FOCAD: variants seen among roughly 807,000 people sequenced by gnomAD.
The protein encoded by FOCAD is KIAA1797.
FOCAD carries 198 observed loss-of-function variants against 225.6 expected under a neutral mutation model. The observed-to-expected ratio is 0.88, with a 90% CI of 0.78 to 0.99. FOCAD has a LOEUF of 0.99. Among genes scored for constraint, FOCAD ranks in the 50% least tolerant of loss-of-function variants. The probability of loss-of-function intolerance (pLI) is 0.00; values close to 1 mark genes in which losing one functional copy is unlikely to be tolerated. For synonymous variants in FOCAD, 897 were observed against 755.0 expected (o/e 1.19, Z -3.08); for missense variants, 2,713 against 2,123.6 (o/e 1.28, Z -5.46).
At chr9:20,802,328 G>C (rs1587229946) in intron 11 of FOCAD, among the ~76,000 whole-genome samples, 1 of 151,948 alleles carries the variant, frequency 6.6e-6, no homozygotes, top group East Asian at 1.9e-4. Context: ...TATTATATTG[G>C]AGAATCAAAT....
chr9:20,937,417 T>C (rs1281446482), intron 28 of FOCAD, among the ~76,000 whole-genome samples: 1 of 152,104 alleles, frequency 6.6e-6, no homozygotes, highest in African/African-American at 2.4e-5. Context: ...CTCTCAGAAA[T>C]AATGCCACAT....
At chr9:20,941,459 T>C in intron 28 of FOCAD, among the ~76,000 whole-genome samples, 1 of 152,224 alleles carries the variant, frequency 6.6e-6, no homozygotes, top group East Asian at 1.9e-4. Flanking sequence ...TTAGATGGCC[T>C]AGTACTTAAT....
At chr9:20,726,477 G>C (rs368792419) in intron 4 of FOCAD, 1 of 152,168 alleles carries the variant, frequency 6.6e-6, no homozygotes. Context: ...CACTTGATTT[G>C]TATGCCTTTT....
intron 11 of FOCAD, among the ~76,000 whole-genome samples, chr9:20,810,658 A>G (rs983781076): frequency 6.6e-6 from 1 of 152,132 alleles, no homozygotes; most frequent in Admixed American, 6.5e-5. Flanking sequence ...TTGGTAATGT[A>G]GCCAACCATT....
chr9:20,822,823 ATGATG>A (rs1824469814), intron 14 of FOCAD, among the ~76,000 whole-genome samples, 161 bp from the exon 15 acceptor site: 2 of 64,604 alleles, frequency 3.1e-5, no homozygotes, highest in South Asian at 8.8e-4. Context: ...GAAAATGATC[ATGATG>A]CACATTTTTG....
intron 15 of FOCAD, among the ~76,000 whole-genome samples, chr9:20,849,747 T>A (rs1737186852): frequency 6.6e-6 from 1 of 151,958 alleles, no homozygotes; most frequent in African/African-American, 2.4e-5. Context: ...ATCTTCAACT[T>A]CACTATGTAC....
chr9:20,866,917 T>TTTTTTTTTTTTTACCA lies in FOCAD; in HGVS notation c.2107-12_2107-11insTTTTTTTTTTTTACCA. The TTTTTTTTTTTTTACCA allele has an allele frequency of 1.3e-6, 1 of 764,972 alleles. No homozygotes were observed. The allele number at this position is 764,972 out of a possible 1,614,324, so 47.4% of individuals were successfully genotyped here. ...TTTTTTTTTTTTTTTTTTTTTTTTT[T>TTTTTTTTTTTTTACCA]ACCCTATCTAGGACCCAATTGTAGC... On this transcript the variant is annotated splice_polypyrimidine_tract_variant and intron_variant, in intron 17 of 43. Transcript: ENST00000338382.
At chr9:20,697,006 C>G (rs1429595656) in intron 1 of FOCAD, among the ~76,000 whole-genome samples, 1 of 152,102 alleles carries the variant, frequency 6.6e-6, no homozygotes, top group Non-Finnish European at 1.5e-5. Context: ...GATGTTGACA[C>G]CTTGATATTA....
intron 4 of FOCAD, among the ~76,000 whole-genome samples, chr9:20,738,013 G>A (rs1329268279): frequency 2.0e-5 from 3 of 152,190 alleles, no homozygotes; most frequent in African/African-American, 4.8e-5. Context: ...AGGATATAGT[G>A]GGAGACACCA....
intron 11 of FOCAD, among the ~76,000 whole-genome samples, chr9:20,814,505 G>C (rs1823446382): frequency 6.6e-6 from 1 of 151,746 alleles, no homozygotes; most frequent in Non-Finnish European, 1.5e-5. Context: ...ACATATATGT[G>C]CCACCAATGC....
intron 31 of FOCAD, 39 bp downstream of exon 31, chr9:20,948,432 A>C (rs1211536126): frequency 1.3e-5 from 20 of 1,595,112 alleles, no homozygotes; most frequent in Non-Finnish European, 1.7e-5. Flanking sequence ...ATATTTTTAT[A>C]ATGGAAAAAG....
At position 20,764,984 on chromosome 9, in the gene FOCAD, C is replaced by G. The variant is rs1829930382; in HGVS notation, c.610C>G (p.Gln204Glu). The change falls in exon 7 of 44, where the codon CAA becomes GAA. Residue 204 changes from glutamine to glutamate, a missense_variant. Coordinates refer to ENST00000338382, the MANE Select transcript of FOCAD (RefSeq NM_001375567.1). ...ACTAGCCCTGCTGAAAGTCTTACTT[C>G]AACCCCAGGTTCTTTGTGACAAAGA... ...LRLALLKVLL[Q>E]PQVLCDKDQP... is the part of the protein sequence containing the mutation. 2 of 1,614,074 alleles carry G rather than the reference C, an allele frequency of 1.2e-6. No homozygotes were observed. Among genetic ancestry groups the G allele is most frequent in the African/African-American group, 1.3e-5 (1 of 75,024 alleles).
intron 15 of FOCAD, among the ~76,000 whole-genome samples, chr9:20,828,706 T>A (rs7388989): frequency 0.33 from 50,249 of 151,970 alleles, 8,497 homozygotes; most frequent in East Asian, 0.47. Flanking sequence ...TGTGCCATGG[T>A]GGTTTGCTGC....
At chr9:20,747,606 A>T (rs1828160247) in intron 5 of FOCAD, among the ~76,000 whole-genome samples, 1 of 152,066 alleles carries the variant, frequency 6.6e-6, no homozygotes, top group Admixed American at 6.6e-5. Context: ...AATACTCTCT[A>T]TTCCCAGCCC....
intron 11 of FOCAD, 92 bp from the exon 12 acceptor site, chr9:20,819,704 T>C: frequency 5.2e-6 from 3 of 579,416 alleles, no homozygotes; most frequent in Non-Finnish European, 8.5e-6. Flanking sequence ...CATATTCATA[T>C]TATTCCTCTG....
At chr9:20,844,964 T>A (rs760836317) in intron 15 of FOCAD, among the ~76,000 whole-genome samples, 2 of 152,062 alleles carry the variant, frequency 1.3e-5, no homozygotes, top group Non-Finnish European at 2.9e-5. Flanking sequence ...ATGTTTATTT[T>A]CATGTTTGTA....
In FOCAD at chr9:20,795,645, G is replaced by C. The variant is rs537753694; in HGVS notation, c.1455+6037G>C. Among the ~76,000 whole-genome samples the C allele has an allele frequency of 1.3e-4, 20 of 151,898 alleles. No individual in the cohort carries two copies. In the East Asian group the frequency reaches 3.9e-3, roughly 29 times the overall value. On this transcript the variant is annotated intron_variant, in intron 11 of 43. Coordinates refer to ENST00000338382, the MANE Select transcript of FOCAD (RefSeq NM_001375567.1). ...TAAAAATACAAAAACTTAGTCGGGCGTGGTGGCGGGTGCCTGTAGTCCCAG... is the reference window on the plus strand; with the variant it reads ...TAAAAATACAAAAACTTAGTCGGGCCTGGTGGCGGGTGCCTGTAGTCCCAG...
chr9:20,741,116 A>C (rs748975827), intron 5 of FOCAD, among the ~76,000 whole-genome samples: 1 of 152,210 alleles, frequency 6.6e-6, no homozygotes, highest in Non-Finnish European at 1.5e-5. Flanking sequence ...AAAGAAGGGC[A>C]TTGATTCATG....
At chr9:20,731,894 G>A (rs1279370727) in intron 4 of FOCAD, among the ~76,000 whole-genome samples, 5 of 152,134 alleles carry the variant, frequency 3.3e-5, no homozygotes, top group Admixed American at 3.3e-4. Flanking sequence ...TGGGATTACA[G>A]GTGTGAGCCA....
Sources: gnomAD v4.1 joint callset for allele counts (sites outside exome capture counted in the v4.1 genomes callset) on GRCh38, gnomAD v4.1.1 for gene constraint, MANE v1.5 for transcripts, NCBI Gene and HGNC (gene_info 2026-07-23, HGNC 2026-07-21) for gene names.